The following TMEM45A variants were observed in gnomAD, a reference collection of about 807,000 sequenced individuals.
The protein encoded by TMEM45A is DNA polymerase-transactivated protein 4.
In TMEM45A, 25 loss-of-function variants were observed where a neutral mutation model predicts 32.0. The ratio of observed to expected loss-of-function variants is 0.78; its 90% CI spans 0.57 to 1.09. The LOEUF (loss-of-function observed/expected upper bound fraction) is 1.09, where lower values mean the gene tolerates loss of function less well. Among genes scored for constraint, TMEM45A ranks in the 50% least tolerant of loss-of-function variants. The pLI, the probability that TMEM45A is intolerant of heterozygous loss-of-function variation, is 0.00. For synonymous variants in TMEM45A, 122 were observed against 114.8 expected, an observed-to-expected ratio of 1.06 and a Z score of -0.40; for missense variants, 302 against 325.0, an observed-to-expected ratio of 0.93 and a Z score of 0.54.
At chr3:100,511,867 A>C (rs142107015) in intron 1 of TMEM45A, among the ~76,000 whole-genome samples, 16 of 151,750 alleles carry the variant, frequency 1.1e-4, no homozygotes, top group African/African-American at 3.2e-4. Flanking sequence ...AAGATCAAAA[A>C]AGACAAAGAA....
At chr3:100,555,839 A>G (rs920103849) in intron 2 of TMEM45A, among the ~76,000 whole-genome samples, 14 of 152,330 alleles carry the variant, frequency 9.2e-5, no homozygotes, top group Non-Finnish European at 1.8e-4. Flanking sequence ...GGTCTTTGCT[A>G]TGGCATCAAA....
intron 1 of TMEM45A, among the ~76,000 whole-genome samples, chr3:100,521,544 G>A (rs965859727): frequency 1.3e-5 from 2 of 152,290 alleles, no homozygotes; most frequent in East Asian, 1.9e-4. Context: ...GAGCCACCAC[G>A]CCCAGCCTCA....
rs142073364 is a variant in TMEM45A at position 100,558,277 on chromosome 3, A to C, written c.404-128A>C. On this transcript the variant is annotated intron_variant, in intron 3 of 5. Coordinates refer to ENST00000323523, the MANE Select transcript of TMEM45A (RefSeq NM_018004.3). The stretch of plus-strand genomic sequence containing the variant: ...CCAAAAATGCAGTACTGTGGGAATC[A>C]GTGGGCGCCTGCTCTTTTGGACAAA... The C allele has an allele frequency of 4.2e-4, 437 of 1,046,860 alleles. 2 individuals are homozygous for C. The African/African-American group carries it at 6.2e-3, about 15-fold the overall frequency. The allele number at this position is 1,046,860 out of a possible 1,614,324, so 64.8% of individuals were successfully genotyped here. A position where few individuals can be genotyped will look rare whatever the true frequency, so the allele number is the denominator to read the frequency against.
chr3:100,493,946 G>T (rs1707887368), intron 1 of TMEM45A, among the ~76,000 whole-genome samples: 1 of 152,262 alleles, frequency 6.6e-6, no homozygotes, highest in Admixed American at 6.5e-5. Context: ...TGGCCAGGCT[G>T]GTCTTGAACT....
At chr3:100,558,613 G>A (rs1470923296) in intron 4 of TMEM45A, 24 bp downstream of exon 4, 1 of 1,605,312 alleles carries the variant, frequency 6.2e-7, no homozygotes, top group Non-Finnish European at 8.5e-7. Context: ...TCTAGTTAAT[G>A]TACCTGGACT....
chr3:100,564,317 A>G (rs1706384970), intron 4 of TMEM45A, among the ~76,000 whole-genome samples: 1 of 152,210 alleles, frequency 6.6e-6, no homozygotes, highest in Admixed American at 6.5e-5. Flanking sequence ...TGATGAATCA[A>G]TGGAGACTGC....
At position 100,577,340 on chromosome 3, in the gene TMEM45A, G is replaced by A; in HGVS notation, c.*322G>A. On this transcript the variant is annotated 3_prime_UTR_variant, in exon 6 of 6. Transcript: ENST00000323523. ...TTATTTGCCTTATAGATATGCTCAA[G>A]GTTACTGGGCTTGCTACTATTTGTA... is the stretch of plus-strand genomic sequence containing the variant. The A allele has an allele frequency of 4.8e-6, 1 of 209,906 alleles. No homozygotes were observed. The highest frequency in any genetic ancestry group is 8.8e-5 in the South Asian group (1 of 11,340). The allele number at this position is 209,906 out of a possible 1,614,324, so 13.0% of individuals were successfully genotyped here. A position where few individuals can be genotyped will look rare whatever the true frequency, so the allele number is the denominator to read the frequency against.
intron 1 of TMEM45A, among the ~76,000 whole-genome samples, chr3:100,497,154 T>C (rs1234542458): frequency 1.3e-5 from 2 of 152,258 alleles, no homozygotes; most frequent in African/African-American, 4.8e-5. Flanking sequence ...ATGTAGTTGC[T>C]CTTTTCAGTA....
intron 4 of TMEM45A, among the ~76,000 whole-genome samples, chr3:100,566,681 T>G (rs1054336555): frequency 1.3e-5 from 2 of 152,182 alleles, no homozygotes; most frequent in African/African-American, 4.8e-5. Context: ...TTATTGTTAT[T>G]ATTGCCAGCC....
intron 1 of TMEM45A, among the ~76,000 whole-genome samples, chr3:100,536,764 T>C (rs1311464575): frequency 6.6e-6 from 1 of 152,208 alleles, no homozygotes; most frequent in Non-Finnish European, 1.5e-5. Context: ...TGTCTCACAT[T>C]GTCCCTTTCG....
chr3:100,530,710 T>C (rs1472246102), intron 1 of TMEM45A, among the ~76,000 whole-genome samples: 2 of 152,200 alleles, frequency 1.3e-5, no homozygotes, highest in Non-Finnish European at 2.9e-5. Flanking sequence ...TTAGGACCCA[T>C]ATGAAATTAA....
At chr3:100,558,658 C>A in intron 4 of TMEM45A, 69 bp downstream of exon 4, 1 of 1,526,820 alleles carries the variant, frequency 6.5e-7, no homozygotes, top group Non-Finnish European at 8.9e-7. Context: ...TTTGATGAGG[C>A]AGTTTGCTCC....
At chr3:100,523,099 G>A (rs920738213) in intron 1 of TMEM45A, among the ~76,000 whole-genome samples, 13 of 152,190 alleles carry the variant, frequency 8.5e-5, no homozygotes, top group African/African-American at 3.1e-4. Context: ...ATATTCTGGG[G>A]TTATTTCACA....
chr3:100,566,497 T>C (rs558486386), intron 4 of TMEM45A, among the ~76,000 whole-genome samples: 1 of 152,204 alleles, frequency 6.6e-6, no homozygotes, highest in Non-Finnish European at 1.5e-5. Flanking sequence ...TATGTGTCAG[T>C]TACAGTGCTT....
At chr3:100,516,421 A>C (rs1414358057) in intron 1 of TMEM45A, among the ~76,000 whole-genome samples, 1 of 152,190 alleles carries the variant, frequency 6.6e-6, no homozygotes, top group Non-Finnish European at 1.5e-5. Flanking sequence ...TGCCCTGATA[A>C]GTGGCTGTGT....
chr3:100,516,080 G>A (rs528753018), intron 1 of TMEM45A, among the ~76,000 whole-genome samples: 81 of 152,222 alleles, frequency 5.3e-4, no homozygotes, highest in African/African-American at 1.7e-3. Context: ...CACATTTTAT[G>A]CATGTAGCCA....
At chr3:100,547,417 G>A (rs755951773) in intron 1 of TMEM45A, among the ~76,000 whole-genome samples, 1 of 152,254 alleles carries the variant, frequency 6.6e-6, no homozygotes, top group South Asian at 2.1e-4. Flanking sequence ...ACTGCACCTG[G>A]CCTATGTACT....
chr3:100,520,044 A>G (rs762664512), intron 1 of TMEM45A, among the ~76,000 whole-genome samples: 6 of 152,204 alleles, frequency 3.9e-5, no homozygotes, highest in Admixed American at 6.5e-5. Flanking sequence ...CAGTTCTAAC[A>G]GCTAAGGATT....
chr3:100,523,154 G>A (rs536640618), intron 1 of TMEM45A, among the ~76,000 whole-genome samples: 2 of 152,294 alleles, frequency 1.3e-5, no homozygotes, highest in South Asian at 4.1e-4. Flanking sequence ...TACATCTTCT[G>A]CATCGCTTAG....
Sources: gnomAD v4.1 joint callset for allele counts (sites outside exome capture counted in the v4.1 genomes callset) on GRCh38, gnomAD v4.1.1 for gene constraint, MANE v1.5 for transcripts, NCBI Gene and HGNC (gene_info 2026-07-23, HGNC 2026-07-21) for gene names.